Variants in TNS1 observed in about 807,000 individuals in gnomAD.
The protein encoded by TNS1 is tensin 1, also known as tensin-1.
In TNS1, 62 loss-of-function variants were observed where a neutral mutation model predicts 168.6. The ratio of observed to expected loss-of-function variants is 0.37; its 90% CI spans 0.30 to 0.45. TNS1 has a LOEUF of 0.45. Among genes scored for constraint, TNS1 ranks in the 20% least tolerant of loss-of-function variants. TNS1 has a pLI of 1.00. For synonymous variants in TNS1, 934 were observed against 933.2 expected, an observed-to-expected ratio of 1.00 and a Z score of -0.02; for missense variants, 2,240 against 2,339.4, an observed-to-expected ratio of 0.96 and a Z score of 0.88.
intron 3 of TNS1, among the ~76,000 whole-genome samples, chr2:217,971,438 C>G (rs925116378): frequency 6.6e-6 from 1 of 152,330 alleles, no homozygotes; most frequent in East Asian, 1.9e-4. Flanking sequence ...TCCCACTGTA[C>G]TATGACATTG....
intron 3 of TNS1, among the ~76,000 whole-genome samples, chr2:217,972,328 C>G (rs952653224): frequency 2.0e-5 from 3 of 152,216 alleles, no homozygotes; most frequent in African/African-American, 7.2e-5. Context: ...ATCGATGGTC[C>G]TGGGGCCATG....
chr2:217,855,844 T>C (rs1287850686), intron 18 of TNS1, among the ~76,000 whole-genome samples: 1 of 152,012 alleles, frequency 6.6e-6, no homozygotes, highest in Non-Finnish European at 1.5e-5. Flanking sequence ...TCCCCAAAGG[T>C]GAGGGAAGAG....
At position 217,900,500 on chromosome 2, in the gene TNS1, C is replaced by A. The variant is rs1179074172; in HGVS notation, c.334G>T (p.Val112Phe). 7.8e-6 allele frequency: 12 copies of A among 1,535,322 alleles called. No homozygotes were observed. Among genetic ancestry groups the A allele is most frequent in the Non-Finnish European group, 1.0e-5 (12 of 1,146,716 alleles). ...AGGTGGGGCTGGACACTCGGGGTGA[C>A]CCTGGTGGAGCCCTGGGAAGGAGAG... ...KSLEDNGSTR[V>F]TPSVQPHLQP... The change falls in exon 7 of 33, where the codon GTC (valine) becomes TTC (phenylalanine). Residue 112 changes from valine to phenylalanine, a missense_variant. Physicochemically the swap from Val to Phe is conservative, Grantham distance 50. Coordinates refer to ENST00000682258, the MANE Select transcript of TNS1 (RefSeq NM_001387777.1).
chr2:217,973,078 G>C (rs879922079), intron 3 of TNS1, among the ~76,000 whole-genome samples: 3 of 152,188 alleles, frequency 2.0e-5, no homozygotes, highest in Admixed American at 6.5e-5. Context: ...GGCAGGCAGG[G>C]TGTGGTGGCT....
chr2:217,903,480 G>A (rs546227036), intron 6 of TNS1: 10 of 1,300,692 alleles, frequency 7.7e-6, no homozygotes, highest in Non-Finnish European at 1.0e-5. Context: ...CCTCTCCGGG[G>A]ATCACAAATC....
intron 32 of TNS1, among the ~76,000 whole-genome samples, chr2:217,807,077 T>G (rs1030830034): frequency 5.9e-5 from 9 of 152,372 alleles, no homozygotes; most frequent in African/African-American, 1.9e-4. Context: ...CTCCCTCCCT[T>G]GCAACTGTCA....
At chr2:217,923,614 C>CA (rs1215760516) in intron 3 of TNS1, among the ~76,000 whole-genome samples, 1 of 152,212 alleles carries the variant, frequency 6.6e-6, no homozygotes, top group African/African-American at 2.4e-5. Flanking sequence ...GAGCCATCCA[C>CA]AGCCACAGGA....
chr2:217,817,897 C>T lies in TNS1; in HGVS notation c.4435G>A (p.Ala1479Thr), dbSNP rs143531869. The change falls in exon 24 of 33, where the codon GCA becomes ACA. Residue 1479 changes from alanine to threonine, a missense_variant. By Grantham distance (58) the Ala-to-Thr change is moderately conservative. Coordinates refer to ENST00000682258, the MANE Select transcript of TNS1 (RefSeq NM_001387777.1). ...GTTGGGCTCCCTTGCCGGAAGGCTG[C>T]GGAGTCTGGTGACGGGGAGGTGGCA... ...SPATSPSPDSAAFRQGSPTPA... is the reference protein window; with the variant it reads ...SPATSPSPDSTAFRQGSPTPA... The T allele has an allele frequency of 1.2e-3, 1,986 of 1,613,866 alleles. 18 individuals carry two copies. In the African/African-American group the frequency reaches 0.023, roughly 19 times the overall value.
intron 18 of TNS1, chr2:217,859,337 G>A (rs1948561801): frequency 2.5e-6 from 1 of 394,124 alleles, no homozygotes; most frequent in African/African-American, 2.0e-5. Flanking sequence ...TGAACAATAA[G>A]GTGGAAATCT....
chr2:217,814,851 G>T, intron 25 of TNS1, 61 bp downstream of exon 25: 1 of 1,437,790 alleles, frequency 7.0e-7, no homozygotes. Context: ...CTTGCCCAGG[G>T]AAGACACAGC....
chr2:218,014,897 AAGGAAGGAAGGAAGGAAGGAAGGAAGGC>A (rs1367802836), upstream of TNS1, among the ~76,000 whole-genome samples: 27 of 150,704 alleles, frequency 1.8e-4, 1 homozygote, highest in African/African-American at 3.2e-4. Flanking sequence ...GGAAGGAAGG[AAGGAAGGAAGGAAGGAAGGAAGGAAGGC>A]AGGCAGGCAG....
chr2:218,013,457 T>TG (rs1175603985), upstream of TNS1, among the ~76,000 whole-genome samples: 1 of 152,124 alleles, frequency 6.6e-6, no homozygotes, highest in East Asian at 1.9e-4. Context: ...TGGGCTGCCC[T>TG]GGGGGCCTCA....
chr2:217,829,339 C>G (rs919599710), intron 22 of TNS1, among the ~76,000 whole-genome samples: 1 of 151,998 alleles, frequency 6.6e-6, no homozygotes, highest in African/African-American at 2.4e-5. Flanking sequence ...GAGCCGAGAT[C>G]GTGCCACTGC....
intron 6 of TNS1, among the ~76,000 whole-genome samples, chr2:217,905,937 A>G: frequency 6.6e-6 from 1 of 152,218 alleles, no homozygotes; most frequent in Admixed American, 6.5e-5. Flanking sequence ...TCTTGTCTCC[A>G]GGGAAGCACT....
At chr2:218,011,081 C>A (rs1028160991), upstream of TNS1, among the ~76,000 whole-genome samples, 1 of 152,216 alleles carries the variant, frequency 6.6e-6, no homozygotes, top group African/African-American at 2.4e-5. Flanking sequence ...TGGACCAGCA[C>A]TCTAGGGCTG....
At chr2:217,960,374 G>A (rs56120913) in intron 3 of TNS1, among the ~76,000 whole-genome samples, 14,697 of 152,162 alleles carry the variant, frequency 0.097, 1,243 homozygotes, top group African/African-American at 0.23. Context: ...CACAGAGGCA[G>A]CTGGATGCCT....
At chr2:217,965,049 G>A (rs1575143264) in intron 3 of TNS1, among the ~76,000 whole-genome samples, 1 of 152,194 alleles carries the variant, frequency 6.6e-6, no homozygotes, top group Non-Finnish European at 1.5e-5. Context: ...GAATACACAG[G>A]GCCAGCAGGT....
intron 3 of TNS1, among the ~76,000 whole-genome samples, chr2:217,967,135 C>T (rs922804085): frequency 9.2e-5 from 14 of 151,896 alleles, no homozygotes; most frequent in Admixed American, 5.3e-4. Flanking sequence ...CTGGCTAACA[C>T]GGTGAAACCC....
chr2:217,964,620 G>A (rs1034769147), intron 3 of TNS1, among the ~76,000 whole-genome samples: 30 of 152,148 alleles, frequency 2.0e-4, no homozygotes, highest in African/African-American at 5.6e-4. Flanking sequence ...TGGAAGCTGC[G>A]CGCTGATGTG....
Sources: gnomAD v4.1 joint callset for allele counts (sites outside exome capture counted in the v4.1 genomes callset) on GRCh38, gnomAD v4.1.1 for gene constraint, MANE v1.5 for transcripts, NCBI Gene and HGNC (gene_info 2026-07-23, HGNC 2026-07-21) for gene names.